The following ACVRL1 variants were observed in gnomAD, a reference collection of about 807,000 sequenced individuals.
ACVRL1 encodes activin A receptor like type 1.
Under a neutral mutation model 51.9 loss-of-function variants are expected in ACVRL1, and 20 were observed. The observed-to-expected ratio is 0.39, with a 90% confidence interval of 0.27 to 0.56. The LOEUF (loss-of-function observed/expected upper bound fraction) is 0.56. Among genes scored for constraint, ACVRL1 ranks in the 20% least tolerant of loss-of-function variants. ACVRL1 has a pLI of 0.67. For missense variants in ACVRL1, 451 were observed against 670.3 expected, an observed-to-expected ratio of 0.67 and a Z score of 3.61; for synonymous variants, 288 against 280.9, an observed-to-expected ratio of 1.03 and a Z score of -0.25.
At position 51,920,133 on chromosome 12, in the gene ACVRL1, C is replaced by CCCTGGGATGGGTTGATGAGCTT. The variant is rs548124781; in HGVS notation, c.1378-603_1378-582dup. Among the ~76,000 whole-genome samples the CCCTGGGATGGGTTGATGAGCTT allele has an allele frequency of 9.6e-3, 1,442 of 150,308 alleles. 34 individuals carry two copies. The highest frequency in any genetic ancestry group is 0.035 in the African/African-American group (1,383 of 39,644). On this transcript the variant is annotated intron_variant, in intron 9 of 9. Coordinates refer to ENST00000388922, the MANE Select transcript of ACVRL1 (RefSeq NM_000020.3). ...AGAAGTGGGGCCAGCTCATTTCAGG[C>CCCTGGGATGGGTTGATGAGCTT]CCTGGGATGGGTTGATGAGCTTCCT...
intron 2 of ACVRL1, 74 bp downstream of exon 2, chr12:51,912,609 G>T (rs1478803782): frequency 7.7e-7 from 1 of 1,290,536 alleles, no homozygotes. Context: ...GATCAGCTCT[G>T]CCTGGGGCTG....
intron 9 of ACVRL1, among the ~76,000 whole-genome samples, chr12:51,920,178 T>C (rs1412435017): frequency 6.8e-6 from 1 of 146,930 alleles, no homozygotes; most frequent in African/African-American, 2.7e-5. Flanking sequence ...TGATGAGCTT[T>C]TTGGGATGGG....
Position 51,920,878 on chromosome 12 carries a change from T to C in ACVRL1, c.1497T>C (p.Pro499=). 6.8e-7 allele frequency: 1 copy of C among 1,479,518 alleles called. No individual in the cohort carries two copies. Among genetic ancestry groups the C allele is most frequent in the South Asian group, 1.1e-5 (1 of 89,378 alleles). 91.6% of individuals were successfully genotyped at this position (1,479,518 alleles called of 1,614,324 possible). ...AAATTAGCAACAGTCCAGAGAAGCC[T>C]AAAGTGATTCAATAGCCCAGGAGCA... The part of the protein sequence containing the change: ...LQKISNSPEK[P]KVIQ The change falls in exon 10 of 10, where the codon CCT becomes CCC. Residue 499 remains proline, a synonymous_variant. Transcript: ENST00000388922.
chr12:51,907,499 C>T (rs573855752), upstream of ACVRL1: 5 of 152,144 alleles, frequency 3.3e-5, no homozygotes, highest in African/African-American at 4.8e-5. This position sits in a 1 kb window ranked among gnomAD's most constrained non-coding sequence, Gnocchi z 4.5. Context: ...TGCTCCAGCC[C>T]CCATCCCAGT....
At chr12:51,920,679 C>T (rs1940952191) in intron 9 of ACVRL1, 80 bp from the exon 10 acceptor site, 1 of 1,523,172 alleles carries the variant, frequency 6.6e-7, no homozygotes, top group Non-Finnish European at 9.0e-7. Context: ...CCTCCCTCTG[C>T]ATCTCTCTCC....
intron 3 of ACVRL1, 102 bp downstream of exon 3, chr12:51,913,452 G>A: frequency 6.5e-7 from 1 of 1,536,088 alleles, no homozygotes; most frequent in Non-Finnish European, 8.7e-7. Context: ...GCTGGGGGCG[G>A]GGGAGCGGGT....
chr12:51,916,067 T>C lies in ACVRL1; in HGVS notation c.1080T>C (p.Asp360=). Residue 360 remains aspartate, a synonymous_variant, in exon 8 of 10, where the codon GAT becomes GAC. Transcript: ENST00000388922. ...CTGTGATGCACTCACAGGGCAGCGATTACCTGGACATCGGCAACAACCCGA... is the reference window on the plus strand; with the variant it reads ...CTGTGATGCACTCACAGGGCAGCGACTACCTGGACATCGGCAACAACCCGA... The part of the protein sequence containing the change: ...GLAVMHSQGS[D]YLDIGNNPRV... 1 of 1,612,948 alleles carries C rather than the reference T, an allele frequency of 6.2e-7. No individual in the cohort carries two copies. Among genetic ancestry groups the C allele is most frequent in the Non-Finnish European group, 8.5e-7 (1 of 1,179,230 alleles).
intron 9 of ACVRL1, 27 bp from the exon 10 acceptor site, chr12:51,920,704 TCTCTGCATCTCTCTCTCTGCCTCCTCTC>T (rs1192710142): frequency 1.9e-6 from 3 of 1,600,492 alleles, no homozygotes; most frequent in Non-Finnish European, 2.6e-6. Context: ...CCCCTCCTCT[TCTCTGCATCTCTCTCTCTGCCTCCTCTC>T]CTCTGCACCT....
rs1940874112 is a variant in ACVRL1, at chr12:51,917,774, G to A, written c.1247-1211G>A. Among the ~76,000 whole-genome samples the A allele has an allele frequency of 6.6e-6, 1 of 152,172 alleles. No homozygotes were observed. Among genetic ancestry groups the A allele is most frequent in the African/African-American group, 2.4e-5 (1 of 41,450 alleles). On this transcript the variant is annotated intron_variant, in intron 8 of 9. Coordinates refer to ENST00000388922, the MANE Select transcript of ACVRL1 (RefSeq NM_000020.3). This position sits in a 1 kb window ranked among gnomAD's most constrained non-coding sequence, Gnocchi z 4.2. The stretch of plus-strand genomic sequence containing the variant: ...AGGAGACCGGGATCGGGGGAAAGAG[G>A]AACCTGGAAGAAGCCAAGGCTCCTT...
Position 51,920,941 on chromosome 12 carries a change from G to GGGGGGGGGGGGGGGGGC in ACVRL1, c.*52_*53insGGGGGGGGGGGGCGGGG. The GGGGGGGGGGGGGGGGGC allele has an allele frequency of 1.6e-6, 1 of 624,790 alleles. No individual in the cohort carries two copies. The highest frequency in any genetic ancestry group is 3.0e-6 in the Non-Finnish European group (1 of 338,010). 38.7% of individuals were successfully genotyped at this position (624,790 alleles called of 1,614,324 possible). A position where few individuals can be genotyped will look rare whatever the true frequency, so the allele number is the denominator to read the frequency against. ...CTGCCTGCAGGGGGCTGGGGGGGTG[G>GGGGGGGGGGGGGGGGGC]GGGGCAGTGGATGGTGCCCTATCTG... On this transcript the variant is annotated 3_prime_UTR_variant, in exon 10 of 10. Transcript: ENST00000388922.
chr12:51,908,889 G>A (rs748221974), intron 1 of ACVRL1, among the ~76,000 whole-genome samples: 1 of 152,164 alleles, frequency 6.6e-6, no homozygotes, highest in Non-Finnish European at 1.5e-5. Flanking sequence ...GTGCTACACT[G>A]TGCTGCCTCC....
At chr12:51,919,241 C>G (rs1373906891) in intron 9 of ACVRL1, 126 bp downstream of exon 9, 1 of 1,423,612 alleles carries the variant, frequency 7.0e-7, no homozygotes, top group East Asian at 2.4e-5. Context: ...GGTTAGGGCA[C>G]CTCTCTAGGT....
chr12:51,915,453 G>A lies in ACVRL1; in HGVS notation c.1001G>A (p.Arg334His), dbSNP rs1940811754. The A allele has an allele frequency of 1.2e-6, 2 of 1,613,206 alleles. No homozygotes were observed. Among genetic ancestry groups the A allele is most frequent in the Non-Finnish European group, 1.7e-6 (2 of 1,179,994 alleles). Residue 334 changes from arginine (R) to histidine (H), a missense_variant, in exon 7 of 10, where the codon CGC (arginine) becomes CAC (histidine). By Grantham distance (29) the Arg-to-His change is conservative. Coordinates refer to ENST00000388922, the MANE Select transcript of ACVRL1 (RefSeq NM_000020.3). The part of the protein sequence containing the change: ...PAIAHRDFKS[R>H]NVLVKSNLQC... Reference sequence around the variant, plus strand: ...ATTGCCCACCGCGACTTCAAGAGCCGCAATGTGCTGGTCAAGAGCAACCTG... The same window carrying A: ...ATTGCCCACCGCGACTTCAAGAGCCACAATGTGCTGGTCAAGAGCAACCTG...
chr12:51,912,607 C>A lies in ACVRL1; in HGVS notation c.61+72C>A. The A allele has an allele frequency of 5.4e-6, 7 of 1,295,084 alleles. No individual in the cohort carries two copies. The South Asian group carries it at 8.5e-5, about 16-fold the overall frequency. The allele number at this position is 1,295,084 out of a possible 1,614,324, so 80.2% of individuals were successfully genotyped here. On this transcript the variant is annotated intron_variant, in intron 2 of 9. Transcript: ENST00000388922. ...AGGGCTATCTGGGCCCAGATCAGCTCTGCCTGGGGCTGAACTTGAGAAGCT... is the reference window on the plus strand; with the variant it reads ...AGGGCTATCTGGGCCCAGATCAGCTATGCCTGGGGCTGAACTTGAGAAGCT...
In ACVRL1 at chr12:51,912,411, C is replaced by T. The variant is rs563686436; in HGVS notation, c.-5-59C>T. 18 of 1,581,214 alleles carry T rather than the reference C, an allele frequency of 1.1e-5. No homozygotes were observed. The highest frequency in any genetic ancestry group is 2.7e-5 in the African/African-American group (2 of 74,194). The stretch of plus-strand genomic sequence containing the variant: ...ATTTCCTCTGGGCAGGAGGGAGCCA[C>T]GGCCAGCGGCTGTCACACTTCATGG... On this transcript the variant is annotated intron_variant, in intron 1 of 9. Transcript: ENST00000388922.
intron 5 of ACVRL1, 100 bp from the exon 6 acceptor site, chr12:51,914,339 G>A (rs1318290934): frequency 1.3e-6 from 2 of 1,539,246 alleles, no homozygotes; most frequent in African/African-American, 2.7e-5. Flanking sequence ...GGTTCTGTGG[G>A]TGGGGTGGGC....
chr12:51,909,756 C>G (rs531203801), intron 1 of ACVRL1, among the ~76,000 whole-genome samples: 2 of 152,256 alleles, frequency 1.3e-5, no homozygotes, highest in East Asian at 3.9e-4. Flanking sequence ...CCTCACTTTC[C>G]CCCGTTGGAC....
rs748182888 is a variant in ACVRL1 at position 51,921,857 on chromosome 12, C to T, written c.*964C>T. Reference sequence around the variant, plus strand: ...AAATCATTCTCTTGCCTCAGACTCCCGAGTAGCTGGGATTACAGGCACATG... The same window carrying T: ...AAATCATTCTCTTGCCTCAGACTCCTGAGTAGCTGGGATTACAGGCACATG... On this transcript the variant is annotated 3_prime_UTR_variant, in exon 10 of 10. Transcript: ENST00000388922. 2 of 152,146 alleles carry T rather than the reference C, an allele frequency of 1.3e-5. No individual in the cohort carries two copies. Among genetic ancestry groups the T allele is most frequent in the Non-Finnish European group, 2.9e-5 (2 of 68,078 alleles). 9.4% of individuals were successfully genotyped at this position (152,146 alleles called of 1,614,324 possible). A position where few individuals can be genotyped will look rare whatever the true frequency, so the allele number is the denominator to read the frequency against.
chr12:51,919,405 T>TGTGTGTGTGTG (rs1555153918), intron 9 of ACVRL1: 1 of 362,382 alleles, frequency 2.8e-6, no homozygotes, highest in African/African-American at 3.1e-5. Flanking sequence ...GTGTGTGTGT[T>TGTGTGTGTGTG]TGAGAGTCAG....
Sources: allele counts gnomAD v4.1 joint callset (sites outside exome capture counted in the v4.1 genomes callset), GRCh38; gene constraint gnomAD v4.1.1; non-coding constraint Gnocchi (gnomAD v3.1); transcripts MANE v1.5; gene names NCBI Gene and HGNC (gene_info 2026-07-23, HGNC 2026-07-21).